The following PDE10A variants were observed in gnomAD, a reference collection of about 807,000 sequenced individuals.
The protein encoded by PDE10A is cAMP and cAMP-inhibited cGMP 3',5'-cyclic phosphodiesterase 10A.
PDE10A carries 39 observed loss-of-function variants against 97.7 expected under a neutral mutation model. That is an observed-to-expected ratio of 0.40 (90% CI 0.31 to 0.52). The LOEUF is 0.52. PDE10A is among the 20% of genes least tolerant of loss of function. The pLI is 0.56. For synonymous variants in PDE10A, 371 were observed against 376.8 expected, an observed-to-expected ratio of 0.98 and a Z score of 0.18; for missense variants, 731 against 1,047.8, an observed-to-expected ratio of 0.70 and a Z score of 4.17.
intron 1 of PDE10A, among the ~76,000 whole-genome samples, chr6:165,839,896 TTC>T (rs1474092177): frequency 4.9e-4 from 74 of 151,368 alleles, no homozygotes; most frequent in Middle Eastern, 3.4e-3. Flanking sequence ...TCCATCCCCA[TTC>T]CCATCTCCAA....
chr6:165,665,883 C>A (rs928241393), upstream of PDE10A, among the ~76,000 whole-genome samples: 1 of 152,140 alleles, frequency 6.6e-6, no homozygotes, highest in Non-Finnish European at 1.5e-5. Flanking sequence ...TATTTAAATT[C>A]TCCAAACATT....
At chr6:165,854,155 G>T (rs1164567002) in intron 1 of PDE10A, among the ~76,000 whole-genome samples, 5 of 152,194 alleles carry the variant, frequency 3.3e-5, no homozygotes, top group African/African-American at 1.2e-4. Flanking sequence ...GCGCAGCGCT[G>T]GCTGGGGCCG....
chr6:165,502,240 A>G (rs1326836380), intron 2 of PDE10A, among the ~76,000 whole-genome samples: 2 of 152,224 alleles, frequency 1.3e-5, no homozygotes, highest in African/African-American at 4.8e-5. Context: ...AAAGACACAA[A>G]TCATCAAAGA....
Position 165,597,497 on chromosome 6 carries a change from A to G in PDE10A, c.866-53929T>C, listed in dbSNP as rs565844041. 7.9e-5 allele frequency among the ~76,000 whole-genome samples: 12 copies of G among 152,308 alleles called. No homozygotes were observed. The East Asian group carries it at 2.1e-3, about 27-fold the overall frequency. ...TAAAACTCAGGTTTTGGCCACAAAAATGTTTTCTCCCTTAGGCTATCTGGG... is the reference window on the plus strand; with the variant it reads ...TAAAACTCAGGTTTTGGCCACAAAAGTGTTTTCTCCCTTAGGCTATCTGGG... On this transcript the variant is annotated intron_variant, in intron 1 of 21. Transcript: ENST00000539869.
chr6:165,637,750 G>A (rs1010265735), intron 1 of PDE10A, among the ~76,000 whole-genome samples: 8 of 152,284 alleles, frequency 5.3e-5, no homozygotes, highest in Middle Eastern at 6.8e-3. Flanking sequence ...CGGCACAGGC[G>A]GGGCGCGTCC....
At chr6:165,863,935 T>C (rs1273630182) in intron 1 of PDE10A, among the ~76,000 whole-genome samples, 1 of 152,172 alleles carries the variant, frequency 6.6e-6, no homozygotes, top group Admixed American at 6.5e-5. Context: ...GTATTAGCAA[T>C]ACTGAGTGTC....
intron 1 of PDE10A, among the ~76,000 whole-genome samples, chr6:165,605,664 C>A (rs1290567163): frequency 6.6e-6 from 1 of 152,176 alleles, no homozygotes. Flanking sequence ...AAACCACACA[C>A]AAACTGTCAT....
intron 6 of PDE10A, among the ~76,000 whole-genome samples, chr6:165,434,677 CA>C (rs777534358): frequency 6.6e-6 from 1 of 152,164 alleles, no homozygotes; most frequent in Admixed American, 6.5e-5. Context: ...TGTTACCTCA[CA>C]AAAACACACC....
At chr6:165,889,500 C>T (rs1781716958) in intron 1 of PDE10A, among the ~76,000 whole-genome samples, 1 of 152,200 alleles carries the variant, frequency 6.6e-6, no homozygotes, top group South Asian at 2.1e-4. Context: ...TCCAGGCTTA[C>T]ATCTGCACTC....
intron 1 of PDE10A, among the ~76,000 whole-genome samples, chr6:165,839,865 A>AAC (rs1780179864): frequency 2.6e-4 from 9 of 34,936 alleles, no homozygotes; most frequent in South Asian, 7.8e-4. Context: ...CCCTGTCTCC[A>AAC]TTCCCATCTG....
chr6:165,677,318 C>A (rs1295642752), intron 1 of PDE10A, among the ~76,000 whole-genome samples: 2 of 152,206 alleles, frequency 1.3e-5, no homozygotes, highest in Admixed American at 6.5e-5. Flanking sequence ...GGGCCTCCAG[C>A]CTGCCCTGCC....
At chr6:165,539,750 G>T (rs1452498150) in intron 2 of PDE10A, among the ~76,000 whole-genome samples, 1 of 146,612 alleles carries the variant, frequency 6.8e-6, no homozygotes, top group Non-Finnish European at 1.5e-5. Context: ...TTGAAACTCT[G>T]TCTCTAATAA....
chr6:165,791,748 T>C (rs897639770), intron 1 of PDE10A, among the ~76,000 whole-genome samples: 2 of 152,236 alleles, frequency 1.3e-5, no homozygotes, highest in Non-Finnish European at 2.9e-5. Flanking sequence ...CCAGGTCAGC[T>C]TGACGTTCCT....
chr6:165,862,322 C>G (rs776254123), intron 1 of PDE10A, among the ~76,000 whole-genome samples: 19 of 152,100 alleles, frequency 1.2e-4, no homozygotes, highest in Non-Finnish European at 2.1e-4. Flanking sequence ...GTTTCATGTC[C>G]AAGCCAATTT....
chr6:165,588,101 A>C (rs1274766003), intron 1 of PDE10A, among the ~76,000 whole-genome samples: 1 of 152,166 alleles, frequency 6.6e-6, no homozygotes, highest in Non-Finnish European at 1.5e-5. Flanking sequence ...ATGCTGGTAA[A>C]TACCGCTCTA....
intron 1 of PDE10A, among the ~76,000 whole-genome samples, chr6:165,777,554 T>A (rs1778220386): frequency 6.6e-6 from 1 of 152,156 alleles, no homozygotes; most frequent in South Asian, 2.1e-4. Flanking sequence ...CTAAGCAAGA[T>A]GGTCAAATGG....
At chr6:165,681,602 C>A (rs999289384) in intron 1 of PDE10A, among the ~76,000 whole-genome samples, 3 of 152,182 alleles carry the variant, frequency 2.0e-5, no homozygotes, top group Non-Finnish European at 4.4e-5. Context: ...AAGGCTACCA[C>A]TTCTTTGAAG....
At chr6:165,470,370 A>T (rs1041232842) in intron 3 of PDE10A, among the ~76,000 whole-genome samples, 1 of 152,226 alleles carries the variant, frequency 6.6e-6, no homozygotes, top group African/African-American at 2.4e-5. Flanking sequence ...GAACCACATT[A>T]TAATATTATG....
In PDE10A at chr6:165,558,282, G is replaced by A. The variant is rs1784357173; in HGVS notation, c.866-14714C>T. 2.6e-5 allele frequency among the ~76,000 whole-genome samples: 4 copies of A among 152,140 alleles called. No homozygotes were observed. The South Asian group carries it at 8.3e-4, about 32-fold the overall frequency. On this transcript the variant is annotated intron_variant, in intron 1 of 21. Transcript: ENST00000539869. Reference sequence around the variant, plus strand: ...TGGAATACTATGCAGCCATAAAAGAGGATGAGTTCATGTCCTTTGTAGGGA... The same window carrying A: ...TGGAATACTATGCAGCCATAAAAGAAGATGAGTTCATGTCCTTTGTAGGGA...
Sources: allele counts gnomAD v4.1 joint callset (sites outside exome capture counted in the v4.1 genomes callset), GRCh38; gene constraint gnomAD v4.1.1; transcripts MANE v1.5; gene names NCBI Gene and HGNC (gene_info 2026-07-23, HGNC 2026-07-21).